The following CACNA2D1 variants were observed in gnomAD, a reference collection of about 807,000 sequenced individuals.
The protein encoded by CACNA2D1 is voltage-dependent calcium channel subunit alpha-2/delta-1.
In CACNA2D1, 53 loss-of-function variants were observed where a neutral mutation model predicts 171.5. The observed-to-expected ratio is 0.31, with a 90% CI of 0.25 to 0.39. CACNA2D1 has a LOEUF of 0.39. Among genes scored for constraint, CACNA2D1 ranks in the 10% least tolerant of loss-of-function variants. The pLI is 1.00. For missense variants in CACNA2D1, 903 were observed against 1,299.8 expected (o/e 0.69, Z 4.69); for synonymous variants, 442 against 443.1 (o/e 1.00, Z 0.03).
Position 82,057,566 on chromosome 7 carries a change from G to GA in CACNA2D1, c.879+2861dup, listed in dbSNP as rs56383976. Among the ~76,000 whole-genome samples the GA allele has an allele frequency of 2.2e-3, 333 of 150,030 alleles. 3 individuals are homozygous for GA. The highest frequency in any genetic ancestry group is 0.018 in the East Asian group (94 of 5,094). On this transcript the variant is annotated intron_variant, in intron 10 of 38. Coordinates refer to ENST00000356860, the MANE Select transcript of CACNA2D1 (RefSeq NM_000722.4). Reference sequence around the variant, plus strand: ...AATTCTCATGCCAGTAGACCTACAAGAAAAAAAAAAAATAAGTGATGCTAC... The same window carrying GA: ...AATTCTCATGCCAGTAGACCTACAAGAAAAAAAAAAAAATAAGTGATGCTAC...
At chr7:82,179,988 G>A (rs1480923180) in intron 3 of CACNA2D1, among the ~76,000 whole-genome samples, 1 of 151,846 alleles carries the variant, frequency 6.6e-6, no homozygotes, top group Non-Finnish European at 1.5e-5. Context: ...TACCTTCGCT[G>A]AGACTAGAAA....
intron 1 of CACNA2D1, among the ~76,000 whole-genome samples, chr7:82,408,353 T>C (rs1201437646): frequency 6.6e-6 from 1 of 152,032 alleles, no homozygotes; most frequent in South Asian, 2.1e-4. Flanking sequence ...TCTCCTCTCA[T>C]ATCCCTTTAC....
intron 3 of CACNA2D1, among the ~76,000 whole-genome samples, chr7:82,239,479 A>G (rs910975035): frequency 6.6e-6 from 1 of 152,176 alleles, no homozygotes; most frequent in Non-Finnish European, 1.5e-5. Context: ...GTTTCTCATT[A>G]GTAGTGATAA....
chr7:82,184,083 TA>T (rs532720700), intron 3 of CACNA2D1, among the ~76,000 whole-genome samples: 8,675 of 143,944 alleles, frequency 0.06, 350 homozygotes, highest in African/African-American at 0.12. Context: ...AGGATGGTTT[TA>T]AAAAAAAAAA....
chr7:82,443,105 G>A (rs1830628069), intron 1 of CACNA2D1, among the ~76,000 whole-genome samples: 1 of 152,174 alleles, frequency 6.6e-6, no homozygotes, highest in African/African-American at 2.4e-5. Context: ...GACGCCGCGA[G>A]TCGTCGGCGG....
At chr7:82,399,103 AAGTCTCATAAAAATCAGAGTC>A (rs769605467) in intron 1 of CACNA2D1, among the ~76,000 whole-genome samples, 3 of 152,176 alleles carry the variant, frequency 2.0e-5, no homozygotes, top group Non-Finnish European at 4.4e-5. Context: ...ATGAAGTTTA[AAGTCTCATAAAAATCAGAGTC>A]AGCACTAAAA....
At chr7:82,382,046 A>T (rs1317431119) in intron 1 of CACNA2D1, among the ~76,000 whole-genome samples, 1 of 152,220 alleles carries the variant, frequency 6.6e-6, no homozygotes, top group Non-Finnish European at 1.5e-5. Flanking sequence ...CATATCAGGG[A>T]GGACGTGAAT....
intron 1 of CACNA2D1, among the ~76,000 whole-genome samples, chr7:82,393,812 AAAT>A (rs1270284464): frequency 2.0e-5 from 3 of 152,356 alleles, no homozygotes; most frequent in South Asian, 4.1e-4. Flanking sequence ...CAAATGTGTA[AAAT>A]AATAACATTT....
At chr7:82,028,331 T>C (rs186080386) in intron 12 of CACNA2D1, 3 of 151,742 alleles carry the variant, frequency 2.0e-5, no homozygotes, top group East Asian at 1.9e-4. Flanking sequence ...TTGAAACATA[T>C]GTTAAAAAAA....
At chr7:82,272,454 A>G (rs1808762396) in intron 3 of CACNA2D1, among the ~76,000 whole-genome samples, 1 of 152,162 alleles carries the variant, frequency 6.6e-6, no homozygotes, top group East Asian at 1.9e-4. Context: ...CTTCTCACAA[A>G]TAGCATAAAG....
intron 2 of CACNA2D1, among the ~76,000 whole-genome samples, chr7:82,335,998 G>T (rs1817945420): frequency 6.6e-6 from 1 of 152,144 alleles, no homozygotes; most frequent in Non-Finnish European, 1.5e-5. Flanking sequence ...CTCAGCAGGA[G>T]AGGAAGAATT....
chr7:81,975,116 G>T (rs962470443), intron 24 of CACNA2D1, among the ~76,000 whole-genome samples: 2 of 152,142 alleles, frequency 1.3e-5, no homozygotes, highest in African/African-American at 4.8e-5. Context: ...TCAGTGGATT[G>T]TGTTTATGTC....
intron 1 of CACNA2D1, among the ~76,000 whole-genome samples, chr7:82,437,324 C>T (rs1050884047): frequency 3.3e-5 from 5 of 152,062 alleles, no homozygotes; most frequent in South Asian, 2.1e-4. Context: ...ACCACCATAG[C>T]GTATTTTTAA....
At chr7:82,024,927 C>G (rs1801689728) in intron 12 of CACNA2D1, among the ~76,000 whole-genome samples, 1 of 151,436 alleles carries the variant, frequency 6.6e-6, no homozygotes, top group Non-Finnish European at 1.5e-5. Flanking sequence ...TTGTTTGCAC[C>G]CTTATAGAGG....
chr7:82,341,383 T>C (rs1250597721), intron 2 of CACNA2D1, among the ~76,000 whole-genome samples: 1 of 152,190 alleles, frequency 6.6e-6, no homozygotes, highest in Non-Finnish European at 1.5e-5. Context: ...TAGATCTGAA[T>C]TGATGTTAGA....
intron 6 of CACNA2D1, among the ~76,000 whole-genome samples, chr7:82,087,996 C>T (rs1810677482): frequency 6.6e-6 from 1 of 152,128 alleles, no homozygotes; most frequent in African/African-American, 2.4e-5. Flanking sequence ...TCCCTTGTCT[C>T]TATCTCTCCC....
At chr7:82,033,285 T>C (rs978214838) in intron 11 of CACNA2D1, among the ~76,000 whole-genome samples, 9 of 152,046 alleles carry the variant, frequency 5.9e-5, no homozygotes, top group Admixed American at 3.9e-4. Context: ...CCCAACAGAA[T>C]GTAAGCTACA....
chr7:81,968,113 G>A (rs1794900421), intron 29 of CACNA2D1, among the ~76,000 whole-genome samples: 1 of 151,300 alleles, frequency 6.6e-6, no homozygotes, highest in Non-Finnish European at 1.5e-5. Flanking sequence ...GTAAGTAATT[G>A]AGCAATTGAG....
At chr7:82,217,125 C>G (rs1034029154) in intron 3 of CACNA2D1, among the ~76,000 whole-genome samples, 2 of 151,706 alleles carry the variant, frequency 1.3e-5, no homozygotes, top group Non-Finnish European at 2.9e-5. Context: ...TATCATCTTT[C>G]TGACTGACCA....
Sources: gnomAD v4.1 joint callset for allele counts (sites outside exome capture counted in the v4.1 genomes callset) on GRCh38, gnomAD v4.1.1 for gene constraint, MANE v1.5 for transcripts, NCBI Gene and HGNC (gene_info 2026-07-23, HGNC 2026-07-21) for gene names.